DYNC2H1: variants seen among roughly 807,000 people sequenced by gnomAD.
The protein encoded by DYNC2H1 is cytoplasmic dynein 2 heavy chain 1.
In DYNC2H1, 410 loss-of-function variants were observed where a neutral mutation model predicts 570.0. The ratio of observed to expected loss-of-function variants is 0.72; its 90% CI spans 0.66 to 0.78. The LOEUF is 0.78. Ranked by LOEUF, DYNC2H1 falls within the 30% of genes least tolerant of loss-of-function variation. The pLI, the probability that DYNC2H1 is intolerant of heterozygous loss-of-function variation, is 0.00. For synonymous variants in DYNC2H1, 1,688 were observed against 1,677.6 expected, an observed-to-expected ratio of 1.01 and a Z score of -0.15; for missense variants, 4,865 against 5,046.4, an observed-to-expected ratio of 0.96 and a Z score of 1.09.
intron 82 of DYNC2H1, among the ~76,000 whole-genome samples, chr11:103,353,420 C>T (rs1276957967): frequency 1.3e-5 from 2 of 152,088 alleles, no homozygotes; most frequent in South Asian, 4.1e-4. Context: ...CTACCAATTG[C>T]TGAGAAACCC....
At position 103,198,067 on chromosome 11, in the gene DYNC2H1, TA is replaced by T; in HGVS notation, c.7839+6del. The T allele has an allele frequency of 6.4e-7, 1 of 1,550,906 alleles. No homozygotes were observed. The highest frequency in any genetic ancestry group is 8.7e-7 in the Non-Finnish European group (1 of 1,146,456). ...TCTCAAGGATGTTATTAAAAAGGTA[TA>T]ATATGAATCATTAATTGGAACTGGG... On this transcript the variant is annotated splice_donor_5th_base_variant and intron_variant, in intron 48 of 88. Coordinates refer to ENST00000375735, the MANE Select transcript of DYNC2H1 (RefSeq NM_001377.3).
intron 38 of DYNC2H1, among the ~76,000 whole-genome samples, chr11:103,178,392 A>G (rs1164403997): frequency 2.6e-5 from 4 of 152,054 alleles, no homozygotes; most frequent in Non-Finnish European, 5.9e-5. Context: ...GGGATTTTCA[A>G]TGTAGTCTTT....
chr11:103,306,556 G>A (rs1027043658), intron 77 of DYNC2H1, among the ~76,000 whole-genome samples: 1 of 151,824 alleles, frequency 6.6e-6, no homozygotes. Flanking sequence ...CTAACCCAAA[G>A]CAAAGTTTTA....
At chr11:103,297,457 A>C (rs922521220) in intron 75 of DYNC2H1, among the ~76,000 whole-genome samples, 6 of 152,130 alleles carry the variant, frequency 3.9e-5, no homozygotes, top group Non-Finnish European at 8.8e-5. Context: ...CATTGTGTGA[A>C]TATCATAGAG....
chr11:103,460,746 T>C (rs1944983265), intron 87 of DYNC2H1, among the ~76,000 whole-genome samples: 1 of 151,446 alleles, frequency 6.6e-6, no homozygotes, highest in African/African-American at 2.4e-5. Context: ...AGATTACATA[T>C]ATGATTAAGA....
intron 60 of DYNC2H1, 42 bp downstream of exon 60, chr11:103,231,388 T>C (rs368435633): frequency 7.9e-7 from 1 of 1,266,090 alleles, no homozygotes; most frequent in Non-Finnish European, 1.1e-6. Flanking sequence ...ATGCTGAGAG[T>C]GTTTACATTT....
At chr11:103,149,724 G>A (rs1860440156) in intron 20 of DYNC2H1, among the ~76,000 whole-genome samples, 1 of 152,102 alleles carries the variant, frequency 6.6e-6, no homozygotes, top group Non-Finnish European at 1.5e-5. Context: ...AGTTGGGGAT[G>A]CAGCTGTGAA....
Position 103,399,691 on chromosome 11 carries a change from C to T in DYNC2H1, c.12185C>T (p.Pro4062Leu), listed in dbSNP as rs1295722121. 6.2e-6 allele frequency: 10 copies of T among 1,612,806 alleles called. No individual in the cohort carries two copies. Among genetic ancestry groups the T allele is most frequent in the Non-Finnish European group, 8.5e-6 (10 of 1,179,428 alleles). Residue 4062 changes from proline to leucine, a missense_variant, in exon 84 of 89, where the codon CCT becomes CTT. By Grantham distance (98) the Pro-to-Leu change is moderately conservative (BLOSUM62 -3). This residue lies in a region of DYNC2H1 where 2,401 missense variants were observed against 2,454.6 expected (regional missense o/e 0.98). Coordinates refer to ENST00000375735, the MANE Select transcript of DYNC2H1 (RefSeq NM_001377.3). ...QNSNLIHQKV[P>L]PPNDRQGSPI... ...TCAAACCTAATACATCAGAAAGTGC[C>T]TCCTCCTAACGATCGACAAGGATCT...
At chr11:103,307,032 T>G (rs1247719577) in intron 77 of DYNC2H1, among the ~76,000 whole-genome samples, 6 of 152,138 alleles carry the variant, frequency 3.9e-5, no homozygotes, top group Non-Finnish European at 8.8e-5. Flanking sequence ...GATATTCCAC[T>G]AAGACATAAT....
intron 70 of DYNC2H1, among the ~76,000 whole-genome samples, chr11:103,260,534 C>T (rs147748982): frequency 1.8e-4 from 27 of 151,958 alleles, no homozygotes; most frequent in Admixed American, 5.2e-4. Flanking sequence ...CTTCATATTA[C>T]GTGTGTTCCA....
chr11:103,470,954 T>A (rs982266791), intron 88 of DYNC2H1, among the ~76,000 whole-genome samples: 5 of 152,160 alleles, frequency 3.3e-5, no homozygotes, highest in African/African-American at 1.2e-4. Context: ...CTGGGTCAAA[T>A]GGTATTTCTA....
rs1174530509 is a variant in DYNC2H1 at position 103,299,617 on chromosome 11, T to C, written c.11096-3476T>C. On this transcript the variant is annotated intron_variant, in intron 75 of 88. Transcript: ENST00000375735. The surrounding 1 kb of genome is among the most constrained non-coding windows in gnomAD (Gnocchi z 4.5). ...GATCGATTCCTTTGCATGCTTCATA[T>C]CACTCCTGTTTCTCTTTTCTGCTAC... Among the ~76,000 whole-genome samples, 1 of 152,144 alleles carries C rather than the reference T, an allele frequency of 6.6e-6. No individual in the cohort carries two copies. Among genetic ancestry groups the C allele is most frequent in the Non-Finnish European group, 1.5e-5 (1 of 68,008 alleles).
intron 75 of DYNC2H1, among the ~76,000 whole-genome samples, chr11:103,292,876 A>G (rs313381): frequency 0.1 from 15,657 of 152,288 alleles, 1,347 homozygotes; most frequent in East Asian, 0.22. Flanking sequence ...TGGCAGAATC[A>G]TGAGTCAATC....
chr11:103,309,066 C>G (rs2135409114), intron 78 of DYNC2H1, among the ~76,000 whole-genome samples: 1 of 151,242 alleles, frequency 6.6e-6, no homozygotes, highest in Non-Finnish European at 1.5e-5. Context: ...CCTTATATAG[C>G]TAAAATTGTG....
At position 103,156,752 on chromosome 11, in the gene DYNC2H1, G is replaced by A; in HGVS notation, c.4109G>A (p.Arg1370Lys). The change falls in exon 26 of 89, where the codon AGA becomes AAA. Residue 1370 changes from arginine to lysine, a missense_variant. By Grantham distance (26) the Arg-to-Lys change is conservative. This residue lies in a region of DYNC2H1 where 1,936 missense variants were observed against 1,962.1 expected (regional missense o/e 0.99). Coordinates refer to ENST00000375735, the MANE Select transcript of DYNC2H1 (RefSeq NM_001377.3). ...ALPKEQTRFNRVDEDFRSIMT... is the reference protein window; with the variant it reads ...ALPKEQTRFNKVDEDFRSIMT... ...CCAAAAGAACAGACACGCTTCAACAGAGTTGATGAAGATTTTAGGTCAGTA... is the reference window on the plus strand; with the variant it reads ...CCAAAAGAACAGACACGCTTCAACAAAGTTGATGAAGATTTTAGGTCAGTA... 1 of 1,609,510 alleles carries A rather than the reference G, an allele frequency of 6.2e-7. No homozygotes were observed. The highest frequency in any genetic ancestry group is 1.3e-5 in the African/African-American group (1 of 74,586).
At chr11:103,121,530 T>G (rs779358539) in intron 10 of DYNC2H1, 34 bp downstream of exon 10, 1 of 1,597,610 alleles carries the variant, frequency 6.3e-7, no homozygotes, top group East Asian at 2.2e-5. Context: ...AGAGTACTAA[T>G]TATAAAATCT....
intron 84 of DYNC2H1, among the ~76,000 whole-genome samples, chr11:103,429,995 C>G (rs554455061): frequency 5.3e-5 from 8 of 152,256 alleles, no homozygotes; most frequent in Admixed American, 2.6e-4. Flanking sequence ...ATTTTCAGAA[C>G]CTAAAATCCA....
Position 103,461,356 on chromosome 11 carries a change from T to C in DYNC2H1, c.12648+5000T>C, listed in dbSNP as rs774451452. Among the ~76,000 whole-genome samples the C allele has an allele frequency of 6.6e-6, 1 of 152,232 alleles. No homozygotes were observed. Among genetic ancestry groups the C allele is most frequent in the Non-Finnish European group, 1.5e-5 (1 of 68,042 alleles). On this transcript the variant is annotated intron_variant, in intron 87 of 88. Coordinates refer to ENST00000375735, the MANE Select transcript of DYNC2H1 (RefSeq NM_001377.3). This position sits in a 1 kb window ranked among gnomAD's most constrained non-coding sequence, Gnocchi z 4.8. ...ACTGAATTAAACAGTGAGGCTGTAGTTCTCCAAACCGATCAATATCTTAAA... is the reference window on the plus strand; with the variant it reads ...ACTGAATTAAACAGTGAGGCTGTAGCTCTCCAAACCGATCAATATCTTAAA...
At chr11:103,436,170 T>G in intron 85 of DYNC2H1, 138 bp downstream of exon 85, 1 of 684,360 alleles carries the variant, frequency 1.5e-6, no homozygotes, top group South Asian at 2.8e-5. Flanking sequence ...TATTCTGCCA[T>G]TTGTTATTTT....
Sources: gnomAD v4.1 joint callset for allele counts (sites outside exome capture counted in the v4.1 genomes callset) on GRCh38, gnomAD v4.1.1 for gene constraint, gnomAD v4.1.1 regional missense constraint, Gnocchi (gnomAD v3.1) non-coding constraint, MANE v1.5 for transcripts, NCBI Gene and HGNC (gene_info 2026-07-23, HGNC 2026-07-21) for gene names.